ZNF536: variants seen among roughly 807,000 people sequenced by gnomAD.
ZNF536 encodes zinc finger protein 536.
In ZNF536, 13 loss-of-function variants were observed where a neutral mutation model predicts 84.5. That is an observed-to-expected ratio of 0.15 (90% CI 0.10 to 0.24). The LOEUF (loss-of-function observed/expected upper bound fraction) is 0.24, where lower values mean the gene tolerates loss of function less well. Among genes scored for constraint, ZNF536 ranks in the 10% least tolerant of loss-of-function variants. ZNF536 has a pLI of 1.00. For missense variants in ZNF536, 1,536 were observed against 1,747.5 expected, an observed-to-expected ratio of 0.88 and a Z score of 2.16; for synonymous variants, 811 against 742.5, an observed-to-expected ratio of 1.09 and a Z score of -1.50.
At chr19:30,646,778 C>T (rs2147396690) in intron 1 of ZNF536, among the ~76,000 whole-genome samples, 1 of 152,278 alleles carries the variant, frequency 6.6e-6, no homozygotes, top group African/African-American at 2.4e-5. Flanking sequence ...TATCAACTGG[C>T]ACCTGCCCTC....
At chr19:30,469,460 C>A (rs987734537) in intron 2 of ZNF536, among the ~76,000 whole-genome samples, 1 of 152,092 alleles carries the variant, frequency 6.6e-6, no homozygotes, top group Non-Finnish European at 1.5e-5. Flanking sequence ...CAGCCTGCTG[C>A]AGGCTTTATC....
intron 1 of ZNF536, among the ~76,000 whole-genome samples, chr19:30,606,145 C>G: frequency 8.8e-6 from 1 of 113,486 alleles, no homozygotes; most frequent in Admixed American, 8.9e-5. Flanking sequence ...CAAAGTGAGA[C>G]CTCATCTCTA....
At chr19:30,563,200 C>T (rs2046233189) in intron 1 of ZNF536, among the ~76,000 whole-genome samples, 1 of 152,258 alleles carries the variant, frequency 6.6e-6, no homozygotes, top group South Asian at 2.1e-4. Context: ...CATGGTGCCC[C>T]ACCCTCATCC....
At chr19:30,347,789 C>T (rs2047796299) in intron 2 of ZNF536, among the ~76,000 whole-genome samples, 1 of 152,178 alleles carries the variant, frequency 6.6e-6, no homozygotes, top group Non-Finnish European at 1.5e-5. Context: ...TCTCCCCTTT[C>T]CTGACACTGC....
At chr19:30,539,078 GAAAGA>G (rs1047149613) in intron 3 of ZNF536, among the ~76,000 whole-genome samples, 5 of 150,924 alleles carry the variant, frequency 3.3e-5, no homozygotes, top group East Asian at 1.9e-4. Context: ...GAAAAGGAAA[GAAAGA>G]AAAGAAAAGA....
At chr19:30,425,508 A>C (rs1221097598) in intron 1 of ZNF536, among the ~76,000 whole-genome samples, 3 of 152,132 alleles carry the variant, frequency 2.0e-5, no homozygotes. Context: ...AAATGTCACC[A>C]AGCATCTGAC....
At chr19:30,427,543 G>T (rs531109528) in intron 1 of ZNF536, among the ~76,000 whole-genome samples, 19 of 152,214 alleles carry the variant, frequency 1.2e-4, no homozygotes, top group Non-Finnish European at 2.8e-4. Flanking sequence ...GAACTTGTTG[G>T]TTGGCTGTAG....
intron 1 of ZNF536, among the ~76,000 whole-genome samples, chr19:30,264,149 C>T (rs377292361): frequency 1.3e-5 from 2 of 152,190 alleles, no homozygotes; most frequent in African/African-American, 2.4e-5. Context: ...CCAATGAAGC[C>T]GGCTGGTGAA....
At chr19:30,330,306 T>C (rs2047169092) in intron 2 of ZNF536, among the ~76,000 whole-genome samples, 1 of 152,230 alleles carries the variant, frequency 6.6e-6, no homozygotes, top group Admixed American at 6.5e-5. Context: ...TGGACAAAAG[T>C]TGTGGAACCG....
chr19:30,483,367 A>G lies in ZNF536; in HGVS notation c.2170+37635A>G, dbSNP rs546248009. On this transcript the variant is annotated intron_variant, in intron 2 of 4. Coordinates refer to ENST00000355537, the MANE Select transcript of ZNF536 (RefSeq NM_014717.3). ...CAGCTGGGACCTTTTCCAAGGCCTC[A>G]AGTTTCCTTCAGGTGTCCCATTGGC... Among the ~76,000 whole-genome samples the G allele has an allele frequency of 6.6e-5, 10 of 152,092 alleles. No homozygotes were observed. In the South Asian group the frequency reaches 2.1e-3, roughly 32 times the overall value.
Position 30,573,760 on chromosome 19 carries a change from A to G in ZNF536, c.169+24246A>G, listed in dbSNP as rs553767552. Among the ~76,000 whole-genome samples the G allele has an allele frequency of 2.6e-5, 4 of 152,276 alleles. No homozygotes were observed. In the South Asian group the frequency reaches 8.3e-4, roughly 32 times the overall value. ...AAATTCACCTGGAAAACGTGGGCCA[A>G]TCCTTGGACATCTGAGTTAAGCCAC... On this transcript the variant is annotated intron_variant, in intron 1 of 1. Transcript: ENST00000592773.
chr19:30,654,568 T>A (rs183715391), intron 1 of ZNF536, among the ~76,000 whole-genome samples: 1 of 152,234 alleles, frequency 6.6e-6, no homozygotes, highest in Admixed American at 6.5e-5. Flanking sequence ...CTGCACCTGG[T>A]TGAGTGATGA....
intron 1 of ZNF536, among the ~76,000 whole-genome samples, chr19:30,402,712 C>G (rs568873276): frequency 6.7e-6 from 1 of 149,594 alleles, no homozygotes; most frequent in African/African-American, 2.4e-5. Context: ...CAGAGCATCT[C>G]GAGTCATATT....
chr19:30,347,120 T>TC (rs10678520), intron 2 of ZNF536, among the ~76,000 whole-genome samples: 3,544 of 147,328 alleles, frequency 0.024, 48 homozygotes, highest in Middle Eastern at 0.055. Context: ...TTTTTTTTTT[T>TC]ATATGATTCT....
chr19:30,608,948 G>A (rs2047994364), intron 1 of ZNF536, among the ~76,000 whole-genome samples: 1 of 152,200 alleles, frequency 6.6e-6, no homozygotes, highest in African/African-American at 2.4e-5. Context: ...CTCGAAGCCA[G>A]GAGTCAGCCA....
At chr19:30,461,508 C>A (rs1227849523) in intron 2 of ZNF536, among the ~76,000 whole-genome samples, 3 of 152,110 alleles carry the variant, frequency 2.0e-5, no homozygotes, top group African/African-American at 7.2e-5. Context: ...TCTGATGGGA[C>A]CCCCCTGAGC....
Position 30,653,297 on chromosome 19 carries a change from A to G in ZNF536, c.170-57460A>G, listed in dbSNP as rs1439615132. 5.9e-5 allele frequency among the ~76,000 whole-genome samples: 9 copies of G among 152,206 alleles called. No individual in the cohort carries two copies. The East Asian group carries it at 1.7e-3, about 30-fold the overall frequency. On this transcript the variant is annotated intron_variant, in intron 1 of 1. Transcript: ENST00000592773. ...TGTGCTGCTGATCCAGAGACCACAC[A>G]TTAGATCTGGGTGTAGCATCTGTCT...
chr19:30,495,886 G>A lies in ZNF536; in HGVS notation c.2171-38961G>A, dbSNP rs556006247. 7.9e-5 allele frequency among the ~76,000 whole-genome samples: 12 copies of A among 152,264 alleles called. No homozygotes were observed. In the South Asian group the frequency reaches 1.7e-3, roughly 21 times the overall value. On this transcript the variant is annotated intron_variant, in intron 2 of 4. Coordinates refer to ENST00000355537, the MANE Select transcript of ZNF536 (RefSeq NM_014717.3). ...GGGGAGGGAGTCCAGACTTTGTAGC[G>A]GATGGTTTCAGTAATGGGCAGTGGA... is the stretch of plus-strand genomic sequence containing the variant.
intron 1 of ZNF536, among the ~76,000 whole-genome samples, chr19:30,678,345 G>A (rs1010319950): frequency 2.6e-5 from 4 of 152,156 alleles, no homozygotes; most frequent in African/African-American, 7.2e-5. Flanking sequence ...CGGCCTTTCT[G>A]GTCTCCCTTC....
Sources: gnomAD v4.1 joint callset for allele counts (sites outside exome capture counted in the v4.1 genomes callset) on GRCh38, gnomAD v4.1.1 for gene constraint, MANE v1.5 for transcripts, NCBI Gene and HGNC (gene_info 2026-07-23, HGNC 2026-07-21) for gene names.